Variants in CASC3 observed in about 807,000 individuals in gnomAD.
CASC3 encodes CASC3 exon junction complex subunit.
A neutral mutation model predicts 80.5 loss-of-function variants in CASC3; 30 were observed. The ratio of observed to expected loss-of-function variants is 0.37; its 90% CI spans 0.28 to 0.51. The LOEUF (loss-of-function observed/expected upper bound fraction) is 0.51, where lower values mean the gene tolerates loss of function less well. Ranked by LOEUF, CASC3 falls within the 20% of genes least tolerant of loss-of-function variation. The pLI is 0.94. For synonymous variants in CASC3, 312 were observed against 333.6 expected (o/e 0.94, Z 0.70); for missense variants, 824 against 922.2 (o/e 0.89, Z 1.38).
intron 3 of CASC3, among the ~76,000 whole-genome samples, chr17:40,157,919 AT>A (rs1989193469): frequency 6.6e-6 from 1 of 152,214 alleles, no homozygotes; most frequent in Non-Finnish European, 1.5e-5. Flanking sequence ...GAAACATACT[AT>A]TCAGTGGAAG....
chr17:40,156,821 C>T (rs930121622), intron 3 of CASC3, among the ~76,000 whole-genome samples: 16 of 152,132 alleles, frequency 1.1e-4, no homozygotes, highest in Non-Finnish European at 2.4e-4. Flanking sequence ...AGGAGGATCA[C>T]TTGAGTCCAA....
rs917782129 is a variant in CASC3 at position 40,171,104 on chromosome 17, G to A, written c.*699G>A. 13 of 985,726 alleles carry A rather than the reference G, an allele frequency of 1.3e-5. No individual in the cohort carries two copies. The East Asian group carries it at 7.8e-4, about 59-fold the overall frequency. The allele number at this position is 985,726 out of a possible 1,614,324, so 61.1% of individuals were successfully genotyped here. ...GGCTGTCTGCACAGAGGGTCCCATT[G>A]TGCAGAAAAGCTCAGAGTAGGTGGG... is the stretch of plus-strand genomic sequence containing the variant. On this transcript the variant is annotated 3_prime_UTR_variant, in exon 14 of 14. Transcript: ENST00000264645.
At chr17:40,145,774 A>G (rs1366015244) in intron 3 of CASC3, among the ~76,000 whole-genome samples, 1 of 151,402 alleles carries the variant, frequency 6.6e-6, no homozygotes, top group African/African-American at 2.4e-5. Context: ...AAAAATTTTT[A>G]TTTACTGTTT....
chr17:40,160,099 G>A (rs72836622), intron 3 of CASC3, among the ~76,000 whole-genome samples: 46 of 152,184 alleles, frequency 3.0e-4, no homozygotes, highest in African/African-American at 8.7e-4. Context: ...AAAGGGGTCC[G>A]CATAATCAAA....
chr17:40,141,305 C>CT, intron 2 of CASC3, 71 bp downstream of exon 2: 2 of 1,383,204 alleles, frequency 1.4e-6, no homozygotes, highest in Non-Finnish European at 2.1e-6. Context: ...CTATTTCCAA[C>CT]ATCGACATTC....
intron 3 of CASC3, among the ~76,000 whole-genome samples, chr17:40,156,844 A>T (rs189222885): frequency 6.6e-6 from 1 of 152,130 alleles, no homozygotes; most frequent in East Asian, 1.9e-4. Flanking sequence ...GTTTGAGACT[A>T]GCCTGGACAA....
chr17:40,141,389 A>C (rs1988713148), intron 2 of CASC3, 155 bp downstream of exon 2: 4 of 845,512 alleles, frequency 4.7e-6, no homozygotes, highest in Non-Finnish European at 7.8e-6. Flanking sequence ...AGGCTTTAGC[A>C]GTATAGTCTT....
In CASC3 at chr17:40,154,659, G is replaced by A. The variant is rs181772443; in HGVS notation, c.298-7094G>A. ...CTGTGGATTGTTCACTTTCTTTATA[G>A]TGTTCTTTCAAGGACAAAGGTTTTA... On this transcript the variant is annotated intron_variant, in intron 3 of 13. Transcript: ENST00000264645. Among the ~76,000 whole-genome samples, 151 of 151,784 alleles carry A rather than the reference G, an allele frequency of 9.9e-4. 2 individuals are homozygous for A. The highest frequency in any genetic ancestry group is 8.9e-3 in the Admixed American group (136 of 15,216).
intron 3 of CASC3, among the ~76,000 whole-genome samples, chr17:40,153,204 C>T (rs1989055967): frequency 6.6e-6 from 1 of 152,178 alleles, no homozygotes; most frequent in Non-Finnish European, 1.5e-5. Flanking sequence ...CCTTCCTACT[C>T]TCTGTTTCTA....
rs1486125457 is a variant in CASC3 at position 40,160,235 on chromosome 17, G to A, written c.298-1518G>A. On this transcript the variant is annotated intron_variant, in intron 3 of 13. Coordinates refer to ENST00000264645, the MANE Select transcript of CASC3 (RefSeq NM_007359.5). Reference sequence around the variant, plus strand: ...TGGGCCAGGTACAGTGTTCATGCCTGTAATCCCAGCCCTTTGGGAGGCCAA... The same window carrying A: ...TGGGCCAGGTACAGTGTTCATGCCTATAATCCCAGCCCTTTGGGAGGCCAA... Among the ~76,000 whole-genome samples, 4 of 152,308 alleles carry A rather than the reference G, an allele frequency of 2.6e-5. No individual in the cohort carries two copies. In the South Asian group the frequency reaches 6.2e-4, roughly 24 times the overall value.
In CASC3 at chr17:40,140,727, A is replaced by G. The variant is rs771835371; in HGVS notation, c.179A>G (p.His60Arg). 1.3e-6 allele frequency: 2 copies of G among 1,531,842 alleles called. No individual in the cohort carries two copies. The highest frequency in any genetic ancestry group is 4.1e-5 in the Admixed American group (2 of 48,570). The allele number at this position is 1,531,842 out of a possible 1,614,324, so 94.9% of individuals were successfully genotyped here. ...CGCGGAGGCCGAACCGGGGCCCTTC[A>G]TCTGCGGCGGGTGGAGAGCGGGGGC... ...SQRGGRTGALHLRRVESGGAK... is the reference protein window; with the variant it reads ...SQRGGRTGALRLRRVESGGAK... The change falls in exon 1 of 14, where the codon CAT (histidine) becomes CGT (arginine). Residue 60 changes from histidine to arginine, a missense_variant. His to Arg is a conservative substitution (Grantham distance 29, BLOSUM62 0). This residue lies in a region of CASC3 where 159 missense variants were observed against 122.2 expected (regional missense o/e 1.30). Coordinates refer to ENST00000264645, the MANE Select transcript of CASC3 (RefSeq NM_007359.5).
intron 11 of CASC3, chr17:40,168,780 G>A (rs1989518650): frequency 3.7e-6 from 1 of 268,352 alleles, no homozygotes; most frequent in South Asian, 3.7e-5. Flanking sequence ...AGTAGAGATG[G>A]CGTTTCACCA....
At chr17:40,162,176 G>A in intron 5 of CASC3, 23 bp downstream of exon 5, 1 of 1,607,246 alleles carries the variant, frequency 6.2e-7, no homozygotes, top group Admixed American at 1.7e-5. Flanking sequence ...TGCTGCTGCT[G>A]CTGTCTAACA....
intron 11 of CASC3, 72 bp from the exon 12 acceptor site, chr17:40,169,252 A>G (rs1343765189): frequency 1.4e-6 from 2 of 1,380,454 alleles, no homozygotes; most frequent in Non-Finnish European, 9.6e-7. Flanking sequence ...TGGCTGAATA[A>G]TATTTCCTGT....
chr17:40,156,914 G>A (rs892329390), intron 3 of CASC3, among the ~76,000 whole-genome samples: 2 of 151,904 alleles, frequency 1.3e-5, no homozygotes, highest in East Asian at 1.9e-4. Context: ...ATGATGGCAC[G>A]TGCCTGCAGT....
In CASC3 at chr17:40,171,976, G is replaced by C; in HGVS notation, c.*1571G>C. ...TTCCCTTTGCCTTAAACCTGAAGAT[G>C]TCTCCTCAAGCCTGTGGGCAGCATG... On this transcript the variant is annotated 3_prime_UTR_variant, in exon 14 of 14. Coordinates refer to ENST00000264645, the MANE Select transcript of CASC3 (RefSeq NM_007359.5). 1.6e-6 allele frequency: 2 copies of C among 1,288,984 alleles called. No homozygotes were observed. The highest frequency in any genetic ancestry group is 2.1e-4 in the Middle Eastern group (1 of 4,696). The allele number at this position is 1,288,984 out of a possible 1,614,324, so 79.8% of individuals were successfully genotyped here.
chr17:40,156,137 T>C (rs1226443532), intron 3 of CASC3, among the ~76,000 whole-genome samples: 3 of 152,144 alleles, frequency 2.0e-5, no homozygotes, highest in Admixed American at 2.0e-4. Flanking sequence ...CACCAAGTTA[T>C]TGTAATTTCT....
At chr17:40,167,815 A>G in intron 9 of CASC3, 35 bp from the exon 10 acceptor site, 1 of 1,558,718 alleles carries the variant, frequency 6.4e-7, no homozygotes, top group African/African-American at 1.4e-5. Context: ...GTGAAGAGTA[A>G]GGGTTTATGA....
In CASC3 at chr17:40,141,254, C is replaced by G; in HGVS notation, c.259+20C>G. 1 of 1,609,410 alleles carries G rather than the reference C, an allele frequency of 6.2e-7. No individual in the cohort carries two copies. The highest frequency in any genetic ancestry group is 8.5e-7 in the Non-Finnish European group (1 of 1,176,084). ...GTGATGGTGAGTAGCATCTTTTACC[C>G]CATTAGGACAAGAGTTTTTTTTAAC... On this transcript the variant is annotated intron_variant, in intron 2 of 13. Transcript: ENST00000264645.
Sources: allele counts gnomAD v4.1 joint callset (sites outside exome capture counted in the v4.1 genomes callset), GRCh38; gene constraint gnomAD v4.1.1; regional missense constraint gnomAD v4.1.1; transcripts MANE v1.5; gene names NCBI Gene and HGNC (gene_info 2026-07-23, HGNC 2026-07-21).